The following DOCK6 variants were observed in gnomAD, a reference collection of about 807,000 sequenced individuals.
DOCK6 encodes dedicator of cytokinesis 6, also known as dedicator of cytokinesis protein 6.
A neutral mutation model predicts 230.3 loss-of-function variants in DOCK6; 167 were observed. That is an observed-to-expected ratio of 0.73 (90% confidence interval 0.64 to 0.82). The LOEUF is 0.82. DOCK6 is among the 40% of genes least tolerant of loss of function. The pLI is 0.00. For synonymous variants in DOCK6, 1,148 were observed against 1,185.0 expected, an observed-to-expected ratio of 0.97 and a Z score of 0.64; for missense variants, 2,598 against 2,825.8, an observed-to-expected ratio of 0.92 and a Z score of 1.83.
intron 14 of DOCK6, chr19:11,241,828 C>T: frequency 7.1e-7 from 1 of 1,417,562 alleles, no homozygotes; most frequent in Non-Finnish European, 9.7e-7. Context: ...AGAGCAGAGA[C>T]AGACGCAGGC....
In DOCK6 at chr19:11,253,636, T is replaced by C. The variant is rs558142556; in HGVS notation, c.132+3A>G. 1.8e-5 allele frequency: 26 copies of C among 1,423,186 alleles called. No homozygotes were observed. Among genetic ancestry groups the C allele is most frequent in the Admixed American group, 1.4e-4 (4 of 27,930 alleles). 88.2% of individuals were successfully genotyped at this position (1,423,186 alleles called of 1,614,324 possible). ...GCTGGGGGCGGACCCCCCAAATACTTACCCCCAGGGAGCTGCTGCAGCGCC... is the reference window on the plus strand; with the variant it reads ...GCTGGGGGCGGACCCCCCAAATACTCACCCCCAGGGAGCTGCTGCAGCGCC... On this transcript the variant is annotated splice_donor_region_variant and intron_variant, in intron 2 of 47. Coordinates refer to ENST00000294618, the MANE Select transcript of DOCK6 (RefSeq NM_020812.4).
rs13344207 is a variant in DOCK6, at chr19:11,238,466, C to G, written c.1644-162G>C. The G allele has an allele frequency of 9.7e-3, 6,197 of 639,972 alleles. 295 individuals are homozygous for G. The African/African-American group carries it at 0.1, about 10-fold the overall frequency. The allele number at this position is 639,972 out of a possible 1,614,324, so 39.6% of individuals were successfully genotyped here. Reference sequence around the variant, plus strand: ...GCCCGGTGAGAGGTAATACAGGTATCAGTCAGGAGATAGGACAGAGGGCAG... The same window carrying G: ...GCCCGGTGAGAGGTAATACAGGTATGAGTCAGGAGATAGGACAGAGGGCAG... On this transcript the variant is annotated intron_variant, in intron 14 of 47. Coordinates refer to ENST00000294618, the MANE Select transcript of DOCK6 (RefSeq NM_020812.4).
chr19:11,218,552 A>G (rs2079530282), intron 28 of DOCK6, among the ~76,000 whole-genome samples: 1 of 152,012 alleles, frequency 6.6e-6, no homozygotes, highest in Non-Finnish European at 1.5e-5. Flanking sequence ...AACTCAAGTG[A>G]TCCTCCCACC....
intron 1 of DOCK6, among the ~76,000 whole-genome samples, chr19:11,256,413 G>A (rs1211919537): frequency 6.6e-6 from 1 of 152,086 alleles, no homozygotes; most frequent in Non-Finnish European, 1.5e-5. Context: ...GTGGGAAAAC[G>A]CCGGGTCTGC....
chr19:11,258,627 T>C (rs185700157), intron 1 of DOCK6, among the ~76,000 whole-genome samples: 5 of 151,784 alleles, frequency 3.3e-5, no homozygotes, highest in Admixed American at 2.6e-4. Context: ...GAGATGGGGT[T>C]TCACCATGTT....
chr19:11,242,286 G>A (rs1203114906), intron 13 of DOCK6, 79 bp from the exon 14 acceptor site: 1 of 1,295,786 alleles, frequency 7.7e-7, no homozygotes, highest in East Asian at 3.0e-5. Flanking sequence ...TGTAGTCAGG[G>A]CAGACTCTCC....
chr19:11,229,063 T>C, intron 22 of DOCK6, 28 bp from the exon 23 acceptor site: 12 of 1,603,068 alleles, frequency 7.5e-6, no homozygotes, highest in Non-Finnish European at 1.0e-5. Flanking sequence ...GGTCACAGAG[T>C]GCGAGGTGCC....
Position 11,200,255 on chromosome 19 carries a change from C to T in DOCK6, c.6101+53G>A. 1.3e-6 allele frequency: 2 copies of T among 1,525,814 alleles called. No individual in the cohort carries two copies. Among genetic ancestry groups the T allele is most frequent in the Non-Finnish European group, 1.8e-6 (2 of 1,132,766 alleles). The allele number at this position is 1,525,814 out of a possible 1,614,324, so 94.5% of individuals were successfully genotyped here. On this transcript the variant is annotated intron_variant, in intron 47 of 47. Transcript: ENST00000294618. The surrounding 1 kb of genome is among the most constrained non-coding windows in gnomAD (Gnocchi z 4.3). The stretch of plus-strand genomic sequence containing the variant: ...GCCCCCATCCTGTACCTGTCCTGGT[C>T]TGCCTCTGCATCCCCTCTCTAGTCT...
At chr19:11,230,246 G>C (rs1167053172) in intron 22 of DOCK6, among the ~76,000 whole-genome samples, 1 of 152,154 alleles carries the variant, frequency 6.6e-6, no homozygotes, top group African/African-American at 2.4e-5. Context: ...GGCTGAGGCA[G>C]GAGAATCGCT....
intron 14 of DOCK6, chr19:11,239,862 A>G: frequency 6.3e-7 from 1 of 1,598,014 alleles, no homozygotes; most frequent in South Asian, 1.1e-5. Context: ...GCACAATAGA[A>G]CTCCTGGGGC....
chr19:11,215,285 C>T (rs2079464335), intron 32 of DOCK6, 102 bp downstream of exon 32: 2 of 1,048,236 alleles, frequency 1.9e-6, no homozygotes, highest in African/African-American at 1.6e-5. Context: ...GAGGGTCTTA[C>T]TATGTTGCCC....
At chr19:11,225,710 A>G (rs1358003412) in intron 24 of DOCK6, among the ~76,000 whole-genome samples, 2 of 151,136 alleles carry the variant, frequency 1.3e-5, no homozygotes, top group East Asian at 3.9e-4. Context: ...ACAAATAAAA[A>G]AACAAAAACA....
At position 11,202,227 on chromosome 19, in the gene DOCK6, C is replaced by G. The variant is rs2079181684; in HGVS notation, c.5452-102G>C. ...TCTGGGGACTTTGTCATTTCCAAGT[C>G]TTCCTATGTCTGGATGTTTGGGAAT... On this transcript the variant is annotated intron_variant, in intron 43 of 47. Coordinates refer to ENST00000294618, the MANE Select transcript of DOCK6 (RefSeq NM_020812.4). This position sits in a 1 kb window ranked among gnomAD's most constrained non-coding sequence, Gnocchi z 5.3. The G allele has an allele frequency of 7.1e-7, 1 of 1,408,916 alleles. No homozygotes were observed. Among genetic ancestry groups the G allele is most frequent in the Non-Finnish European group, 9.8e-7 (1 of 1,020,334 alleles). The allele number at this position is 1,408,916 out of a possible 1,614,324, so 87.3% of individuals were successfully genotyped here.
At chr19:11,207,045 G>C (rs575319503) in intron 39 of DOCK6, among the ~76,000 whole-genome samples, 276 of 152,136 alleles carry the variant, frequency 1.8e-3, no homozygotes, top group African/African-American at 6.1e-3. Flanking sequence ...ATGTTGGCCA[G>C]GCTATTCTTG....
chr19:11,237,383 G>A, intron 18 of DOCK6, 73 bp downstream of exon 18: 2 of 1,556,886 alleles, frequency 1.3e-6, no homozygotes, highest in Non-Finnish European at 1.8e-6. Flanking sequence ...AGGATTGACA[G>A]GAAGGAAGGC....
chr19:11,212,865 C>CTTTT lies in DOCK6; in HGVS notation c.4491+307_4491+310dup, dbSNP rs34049310. On this transcript the variant is annotated intron_variant, in intron 35 of 47. Transcript: ENST00000294618. ...CAGGCATGAGCCACTGTGCCTGGCC[C>CTTTT]TTTTTTTTTTTTTTTTTTTTTTATT... Among the ~76,000 whole-genome samples the CTTTT allele has an allele frequency of 2.5e-4, 26 of 104,464 alleles. 2 individuals are homozygous for CTTTT. Among genetic ancestry groups the CTTTT allele is most frequent in the South Asian group, 6.4e-4 (2 of 3,134 alleles). 68.5% of individuals were successfully genotyped at this position (104,464 alleles called of 152,430 possible). A position where few individuals can be genotyped will look rare whatever the true frequency, so the allele number is the denominator to read the frequency against.
At chr19:11,244,341 T>G (rs370793540) in intron 9 of DOCK6, among the ~76,000 whole-genome samples, 1 of 150,560 alleles carries the variant, frequency 6.6e-6, no homozygotes, top group African/African-American at 2.5e-5. Flanking sequence ...CAGGCTGAAG[T>G]GCGTGATGGG....
intron 6 of DOCK6, 94 bp downstream of exon 6, chr19:11,250,780 G>A (rs918668720): frequency 5.5e-5 from 68 of 1,237,408 alleles, no homozygotes; most frequent in Non-Finnish European, 7.7e-5. Context: ...GTATATAGTA[G>A]ATGTCCATCT....
rs577316429 is a variant in DOCK6, at chr19:11,203,897, C to T, written c.5235+184G>A. ...CACAAGCTGCCCTCGAGATCTGGGG[C>T]GGGGGGTGGGGGCATTTTTGGGGAA... On this transcript the variant is annotated intron_variant, in intron 41 of 47. Coordinates refer to ENST00000294618, the MANE Select transcript of DOCK6 (RefSeq NM_020812.4). 3.5e-4 allele frequency: 237 copies of T among 674,286 alleles called. 1 individual carries two copies. The Middle Eastern group carries it at 5.4e-3, about 15-fold the overall frequency. The allele number at this position is 674,286 out of a possible 1,614,324, so 41.8% of individuals were successfully genotyped here.
Sources: allele counts gnomAD v4.1 joint callset (sites outside exome capture counted in the v4.1 genomes callset), GRCh38; gene constraint gnomAD v4.1.1; non-coding constraint Gnocchi (gnomAD v3.1); transcripts MANE v1.5; gene names NCBI Gene and HGNC (gene_info 2026-07-23, HGNC 2026-07-21).